PPP1R12A: variants seen among roughly 807,000 people sequenced by gnomAD.
PPP1R12A encodes protein phosphatase 1 regulatory subunit 12A, also known as myosin binding subunit.
PPP1R12A carries 19 observed loss-of-function variants against 139.6 expected under a neutral mutation model. The observed-to-expected ratio is 0.14, with a 90% CI of 0.09 to 0.20. The LOEUF is 0.20. Among genes scored for constraint, PPP1R12A ranks in the 10% least tolerant of loss-of-function variants. PPP1R12A has a pLI of 1.00. For missense variants in PPP1R12A, 925 were observed against 1,211.5 expected (o/e 0.76, Z 3.51); for synonymous variants, 427 against 420.6 (o/e 1.02, Z -0.19).
rs752850779 is a variant in PPP1R12A at position 79,779,384 on chromosome 12, A to G, written c.2956-784T>C. The G allele has an allele frequency of 2.3e-5, 29 of 1,278,986 alleles. 1 individual carries two copies. In the South Asian group the frequency reaches 3.6e-4, roughly 16 times the overall value. 79.2% of individuals were successfully genotyped at this position (1,278,986 alleles called of 1,614,324 possible). A position where few individuals can be genotyped will look rare whatever the true frequency, so the allele number is the denominator to read the frequency against. On this transcript the variant is annotated intron_variant, in intron 23 of 24. Coordinates refer to ENST00000450142, the MANE Select transcript of PPP1R12A (RefSeq NM_002480.3). ...ATACAAACCATTTAAATTTAGTTTA[A>G]TCACACTGAAACTATTTCCAAGACA...
chr12:79,890,717 C>T (rs1168681496), intron 1 of PPP1R12A, among the ~76,000 whole-genome samples: 2 of 151,964 alleles, frequency 1.3e-5, no homozygotes, highest in Non-Finnish European at 2.9e-5. Flanking sequence ...GCATGGAGGC[C>T]TAGCTCAAAA....
intron 1 of PPP1R12A, among the ~76,000 whole-genome samples, chr12:79,912,492 G>T (rs370724321): frequency 2.2e-4 from 33 of 152,052 alleles, no homozygotes; most frequent in African/African-American, 7.7e-4. Flanking sequence ...AGGAGTTCAA[G>T]AACAGCCTGG....
chr12:79,901,472 T>A (rs1752559005), intron 1 of PPP1R12A, among the ~76,000 whole-genome samples: 1 of 152,018 alleles, frequency 6.6e-6, no homozygotes, highest in Non-Finnish European at 1.5e-5. Context: ...AAAGTAAGCT[T>A]ACTGCAACTT....
intron 2 of PPP1R12A, among the ~76,000 whole-genome samples, chr12:79,849,637 A>T (rs1879817779): frequency 6.6e-6 from 1 of 152,112 alleles, no homozygotes; most frequent in Non-Finnish European, 1.5e-5. Context: ...AAAAAAACAG[A>T]TTTTCACACA....
rs968623511 is a variant in PPP1R12A at position 79,935,051 on chromosome 12, G to A, written c.-120C>T. 1.2e-5 allele frequency: 17 copies of A among 1,409,140 alleles called. No individual in the cohort carries two copies. Among genetic ancestry groups the A allele is most frequent in the African/African-American group, 1.2e-4 (8 of 68,634 alleles). The allele number at this position is 1,409,140 out of a possible 1,614,324, so 87.3% of individuals were successfully genotyped here. ...ATGAGTGCGGGCCAGAGGAGGGCTGGGAACCCGGAGCCGACGCTCGAGACT... is the reference window on the plus strand; with the variant it reads ...ATGAGTGCGGGCCAGAGGAGGGCTGAGAACCCGGAGCCGACGCTCGAGACT... On this transcript the variant is annotated 5_prime_UTR_variant, in exon 1 of 25. Coordinates refer to ENST00000450142, the MANE Select transcript of PPP1R12A (RefSeq NM_002480.3).
In PPP1R12A at chr12:79,805,595, C is replaced by G; in HGVS notation, c.1997G>C (p.Arg666Pro). 1 of 1,613,432 alleles carries G rather than the reference C, an allele frequency of 6.2e-7. No individual in the cohort carries two copies. The highest frequency in any genetic ancestry group is 8.5e-7 in the Non-Finnish European group (1 of 1,179,594). ...TACTGTTATGACCTTTACACACCTG[C>G]GTCTCTCCCTGACCTCTGTTGTGGA... is the stretch of plus-strand genomic sequence containing the variant. The part of the protein sequence containing the change: ...VSSTTEVRER[R>P]RSYLTPVRDE... Residue 666 changes from arginine to proline, a missense_variant, in exon 14 of 25, where the codon CGC (arginine) becomes CCC (proline). Transcript: ENST00000450142.
intron 1 of PPP1R12A, among the ~76,000 whole-genome samples, chr12:79,882,670 GA>G (rs1290693532): frequency 6.6e-6 from 1 of 152,182 alleles, no homozygotes; most frequent in African/African-American, 2.4e-5. Context: ...AATTCTGAAA[GA>G]AGTTCTACTG....
At chr12:79,884,511 AT>A (rs1883928870) in intron 1 of PPP1R12A, among the ~76,000 whole-genome samples, 1 of 152,206 alleles carries the variant, frequency 6.6e-6, no homozygotes, top group South Asian at 2.1e-4. Flanking sequence ...CTCAACATTT[AT>A]AAAGTACATA....
chr12:79,802,916 G>C (rs544488594), intron 14 of PPP1R12A, among the ~76,000 whole-genome samples: 1 of 152,310 alleles, frequency 6.6e-6, no homozygotes, highest in African/African-American at 2.4e-5. Flanking sequence ...GTGTATAACA[G>C]AGAAACTTGC....
chr12:79,855,407 C>A (rs1448934110), intron 2 of PPP1R12A, among the ~76,000 whole-genome samples: 2 of 152,074 alleles, frequency 1.3e-5, no homozygotes, highest in Non-Finnish European at 2.9e-5. Flanking sequence ...AATTTCATGT[C>A]TTTGTTACTG....
At chr12:79,790,096 C>T (rs938128129) in intron 20 of PPP1R12A, among the ~76,000 whole-genome samples, 3 of 151,842 alleles carry the variant, frequency 2.0e-5, no homozygotes, top group African/African-American at 7.3e-5. Flanking sequence ...TTAAAAGTGT[C>T]TTCACTGGTT....
intron 24 of PPP1R12A, chr12:79,777,558 C>T (rs1258315802): frequency 1.8e-5 from 18 of 985,042 alleles, no homozygotes; most frequent in African/African-American, 5.2e-5. Flanking sequence ...GAACCCTGAG[C>T]GCTTGGCTAC....
At chr12:79,828,490 A>G (rs561249784) in intron 4 of PPP1R12A, 26 bp from the exon 5 acceptor site, 2 of 1,467,498 alleles carry the variant, frequency 1.4e-6, no homozygotes, top group East Asian at 4.8e-5. Context: ...TGAATTAGAC[A>G]ATCATTAAAA....
intron 23 of PPP1R12A, among the ~76,000 whole-genome samples, chr12:79,781,019 T>C (rs1238298501): frequency 1.3e-5 from 2 of 152,206 alleles, no homozygotes; most frequent in Non-Finnish European, 2.9e-5. Context: ...ATTTACTCTT[T>C]GATCATAGCT....
rs760140186 is a variant in PPP1R12A, at chr12:79,775,965, C to T, written c.3057G>A (p.Gly1019=). ...GTTTGCTTATAACTCTGATCAAGGC[C>T]CCATTTTCATCCTTTAGCCTCTGGT... The part of the protein sequence containing the change: ...ADNQRLKDEN[G]ALIRVISKLS... The change falls in exon 25 of 25, where the codon GGG becomes GGA. Residue 1019 remains glycine (G), a synonymous_variant. Transcript: ENST00000450142. The T allele has an allele frequency of 1.9e-6, 3 of 1,598,226 alleles. No individual in the cohort carries two copies. The African/African-American group carries it at 4.0e-5, about 21-fold the overall frequency.
chr12:79,910,101 C>T (rs1886445491), intron 1 of PPP1R12A, among the ~76,000 whole-genome samples: 1 of 152,070 alleles, frequency 6.6e-6, no homozygotes. Context: ...AAGCAGTTTA[C>T]TGGATGAGAA....
At position 79,773,910 on chromosome 12, in the gene PPP1R12A, C is replaced by G. The variant is rs1850561271; in HGVS notation, c.*2019G>C. On this transcript the variant is annotated 3_prime_UTR_variant, in exon 25 of 25. Transcript: ENST00000450142. ...TTTTGCAACTAGTTTCATGCAGAAA[C>G]AAGGTCTGCTCAATACTACCAATAA... 6.6e-6 allele frequency: 1 copy of G among 152,090 alleles called. No individual in the cohort carries two copies. Among genetic ancestry groups the G allele is most frequent in the African/African-American group, 2.4e-5 (1 of 41,418 alleles). 9.4% of individuals were successfully genotyped at this position (152,090 alleles called of 1,614,324 possible).
At chr12:79,884,450 A>G (rs570918470) in intron 1 of PPP1R12A, among the ~76,000 whole-genome samples, 2 of 152,306 alleles carry the variant, frequency 1.3e-5, no homozygotes, top group African/African-American at 2.4e-5. Context: ...CGCAAAATAT[A>G]TATCATATAT....
rs17006156 is a variant in PPP1R12A, at chr12:79,926,124, A to C, written c.237+8571T>G. 5.2e-3 allele frequency among the ~76,000 whole-genome samples: 798 copies of C among 152,300 alleles called. 8 individuals carry two copies. The highest frequency in any genetic ancestry group is 0.017 in the African/African-American group (714 of 41,562). On this transcript the variant is annotated intron_variant, in intron 1 of 24. Transcript: ENST00000450142. ...TTAAAGAATTTTTAAACTAAGTTAC[A>C]TAAACTGAAGCGTCTATTGATAATC...
Sources: gnomAD v4.1 joint callset for allele counts (sites outside exome capture counted in the v4.1 genomes callset) on GRCh38, gnomAD v4.1.1 for gene constraint, MANE v1.5 for transcripts, NCBI Gene and HGNC (gene_info 2026-07-23, HGNC 2026-07-21) for gene names.